The following ZNF185 variants were observed in gnomAD, a reference collection of about 807,000 sequenced individuals.
ZNF185 encodes the protein zinc finger protein 185 with LIM domain, also known as zinc finger protein 185.
In ZNF185, 56 loss-of-function variants were observed where a neutral mutation model predicts 58.6. The observed-to-expected ratio is 0.95, with a 90% CI of 0.77 to 1.19. ZNF185 has a LOEUF of 1.19. Ranked by LOEUF, ZNF185 falls within the 50% of genes most tolerant of loss-of-function variation. The probability of loss-of-function intolerance (pLI) is 0.00; values close to 1 mark genes in which losing one functional copy is unlikely to be tolerated. For synonymous variants in ZNF185, 230 were observed against 215.9 expected (o/e 1.07, Z -0.57); for missense variants, 627 against 573.5 (o/e 1.09, Z -0.95).
At chrX:152,949,542 G>A (rs1459532033) in intron 16 of ZNF185, among the ~76,000 whole-genome samples, 4 of 112,021 alleles carry the variant, frequency 3.6e-5, no homozygotes, top group Non-Finnish European at 7.5e-5. Context: ...CTGATGGGCA[G>A]CATTTAGAGT....
chrX:152,971,456 T>C (rs1236180126), exon 23 of ZNF185: 2 of 112,288 alleles, frequency 1.8e-5, no homozygotes, highest in Non-Finnish European at 3.8e-5. Flanking sequence ...TTAATGATGC[T>C]ATGATAATTG....
upstream of ZNF185, among the ~76,000 whole-genome samples, chrX:152,910,944 G>C (rs1299900298): frequency 8.9e-6 from 1 of 112,224 alleles, no homozygotes; most frequent in Non-Finnish European, 1.9e-5. Context: ...CTGGACAAGG[G>C]GAGGGGACGG....
At chrX:152,916,747 C>T (rs947645835) in intron 3 of ZNF185, among the ~76,000 whole-genome samples, 26 of 112,695 alleles carry the variant, frequency 2.3e-4, no homozygotes, top group Admixed American at 4.7e-4. Flanking sequence ...ACTGGGGAGC[C>T]TCCAGCTTGC....
intron 11 of ZNF185, among the ~76,000 whole-genome samples, chrX:152,924,123 C>G (rs1321213289): frequency 1.8e-5 from 2 of 110,801 alleles, no homozygotes; most frequent in African/African-American, 6.6e-5. Flanking sequence ...CTAATCACTT[C>G]TGTTTTTTTG....
At chrX:152,909,250 G>T in the ZNF185 span, among the ~76,000 whole-genome samples, 1 of 112,597 alleles carries the variant, frequency 8.9e-6, no homozygotes, top group African/African-American at 3.2e-5. Context: ...CTCTCTCCCT[G>T]GGTAGACTGG....
chrX:152,922,147 A>G (rs1295902554), intron 9 of ZNF185, 26 bp from the exon 11 acceptor site: 3 of 1,178,643 alleles, frequency 2.5e-6, no homozygotes, highest in Middle Eastern at 2.3e-4. Context: ...GAAGACCACG[A>G]GCGCTGTTTC....
the ZNF185 span, among the ~76,000 whole-genome samples, chrX:152,908,541 G>A: frequency 1.8e-5 from 2 of 112,614 alleles, no homozygotes; most frequent in East Asian, 5.6e-4. Context: ...GGGTCCTGGA[G>A]TCACATGTGG....
Position 152,930,374 on chromosome X carries a change from C to T in ZNF185, c.918-1298C>T, listed in dbSNP as rs1198199334. ...GTGATTAGGGCTCAAGAGATTTCCA[C>T]GTTATATGCAGACAGAATAGAGCTG... On this transcript the variant is annotated intron_variant, in intron 12 of 22. Coordinates refer to ENST00000449285, the Ensembl canonical transcript of ZNF185. Among the ~76,000 whole-genome samples the T allele has an allele frequency of 9.8e-5, 11 of 112,175 alleles. 1 individual carries two copies. The highest frequency in any genetic ancestry group is 6.5e-5 in the African/African-American group (2 of 30,915).
upstream of ZNF185, among the ~76,000 whole-genome samples, chrX:152,913,013 G>A (rs183487014): frequency 2.7e-5 from 3 of 112,909 alleles, no homozygotes; most frequent in Non-Finnish European, 5.6e-5. Context: ...TGCTCGTTCA[G>A]TGCAGTTTAT....
At chrX:152,904,110 C>T in the ZNF185 span, among the ~76,000 whole-genome samples, 1 of 112,240 alleles carries the variant, frequency 8.9e-6, no homozygotes, top group East Asian at 2.8e-4. Context: ...TTTTTTTCCA[C>T]TTGCTGAGCC....
chrX:152,921,920 G>A, intron 9 of ZNF185, among the ~76,000 whole-genome samples: 1 of 111,760 alleles, frequency 8.9e-6, no homozygotes, highest in East Asian at 2.8e-4. Flanking sequence ...GATTACATCT[G>A]CAAAGACCCT....
chrX:152,907,186 G>T, the ZNF185 span, among the ~76,000 whole-genome samples: 162 of 111,863 alleles, frequency 1.4e-3, no homozygotes, highest in African/African-American at 5.1e-3. Context: ...ATCTCCTCAC[G>T]CTCCAGCACC....
chrX:152,951,667 T>C (rs1167791253), intron 16 of ZNF185, among the ~76,000 whole-genome samples: 1 of 111,836 alleles, frequency 8.9e-6, no homozygotes, highest in Non-Finnish European at 1.9e-5. Context: ...TTTTGAAATA[T>C]CATATACCAG....
At chrX:152,913,596 C>G (rs782567766), upstream of ZNF185, among the ~76,000 whole-genome samples, 1 of 112,544 alleles carries the variant, frequency 8.9e-6, no homozygotes, top group South Asian at 3.6e-4. Flanking sequence ...GTAAGGAAGC[C>G]TAACTTACCA....
exon 23 of ZNF185, chrX:152,971,596 T>G: frequency 9.0e-6 from 1 of 111,646 alleles, no homozygotes; most frequent in Non-Finnish European, 1.9e-5. Flanking sequence ...TCTAATGAGT[T>G]TAAGTGGGCA....
At chrX:152,945,123 G>A in intron 15 of ZNF185, 144 bp from the exon 18 acceptor site, 1 of 617,924 alleles carries the variant, frequency 1.6e-6, no homozygotes, top group East Asian at 3.6e-5. Context: ...TGGAATTGGG[G>A]CTGTGCCTGG....
chrX:152,915,492 C>T (rs1556865260), intron 3 of ZNF185, among the ~76,000 whole-genome samples: 1 of 112,525 alleles, frequency 8.9e-6, no homozygotes, highest in Non-Finnish European at 1.9e-5. Flanking sequence ...CAGCTGTTAA[C>T]TGGGATTGAA....
At chrX:152,921,859 C>T (rs1476454524) in intron 9 of ZNF185, among the ~76,000 whole-genome samples, 1 of 111,524 alleles carries the variant, frequency 9.0e-6, no homozygotes, top group Non-Finnish European at 1.9e-5. Context: ...ACAAGGACAG[C>T]GGTCATTGGA....
intron 20 of ZNF185, 47 bp downstream of exon 22, chrX:152,967,285 A>G (rs782111541): frequency 8.8e-7 from 1 of 1,135,865 alleles, no homozygotes; most frequent in Non-Finnish European, 1.2e-6. Flanking sequence ...ACAGAGGAGA[A>G]TCAGGGAAGG....
Sources: allele counts gnomAD v4.1 joint callset (sites outside exome capture counted in the v4.1 genomes callset), GRCh38; gene constraint gnomAD v4.1.1; transcripts MANE v1.5; gene names NCBI Gene and HGNC (gene_info 2026-07-23, HGNC 2026-07-21).